DCLK1: variants seen among roughly 807,000 people sequenced by gnomAD.
DCLK1 encodes the protein serine/threonine-protein kinase DCLK1.
DCLK1 carries 16 observed loss-of-function variants against 86.2 expected under a neutral mutation model. That is an observed-to-expected ratio of 0.19 (90% CI 0.13 to 0.28). The LOEUF is 0.28. Ranked by LOEUF, DCLK1 falls within the 10% of genes least tolerant of loss-of-function variation. The probability of loss-of-function intolerance (pLI) is 1.00; values close to 1 mark genes in which losing one functional copy is unlikely to be tolerated. For missense variants in DCLK1, 590 were observed against 940.2 expected, an observed-to-expected ratio of 0.63 and a Z score of 4.87; for synonymous variants, 369 against 370.5, an observed-to-expected ratio of 1.00 and a Z score of 0.05.
intron 8 of DCLK1, among the ~76,000 whole-genome samples, chr13:35,835,309 G>T (rs1187175867): frequency 6.6e-6 from 1 of 152,128 alleles, no homozygotes; most frequent in Non-Finnish European, 1.5e-5. Context: ...CCCCAACTTT[G>T]CAGTATTCTG....
At chr13:35,809,408 A>G (rs2087096186) in intron 12 of DCLK1, among the ~76,000 whole-genome samples, 2 of 152,234 alleles carry the variant, frequency 1.3e-5, no homozygotes, top group African/African-American at 4.8e-5. Flanking sequence ...ATTCTGAGAT[A>G]AGGATGGACC....
intron 3 of DCLK1, among the ~76,000 whole-genome samples, chr13:35,974,946 T>A (rs972121964): frequency 1.3e-5 from 2 of 152,236 alleles, no homozygotes; most frequent in African/African-American, 4.8e-5. Context: ...ATACCAGGAA[T>A]GGTGCTAAGA....
intron 16 of DCLK1, among the ~76,000 whole-genome samples, chr13:35,781,122 GGAA>G: frequency 6.6e-6 from 1 of 152,268 alleles, no homozygotes; most frequent in Non-Finnish European, 1.5e-5. Context: ...GCATAGAGGA[GGAA>G]GGTCAGGAAT....
intron 5 of DCLK1, among the ~76,000 whole-genome samples, chr13:35,865,703 G>A (rs1871742677): frequency 6.6e-6 from 1 of 152,196 alleles, no homozygotes; most frequent in African/African-American, 2.4e-5. Flanking sequence ...TTCTGAAAGT[G>A]TAAATGAACA....
chr13:36,087,225 G>A (rs756291305), intron 3 of DCLK1, among the ~76,000 whole-genome samples: 24 of 152,176 alleles, frequency 1.6e-4, no homozygotes, highest in Non-Finnish European at 2.6e-4. Context: ...GACCAGTGAT[G>A]ATGAGCTTTT....
At chr13:36,087,950 A>C (rs1884670789) in intron 3 of DCLK1, among the ~76,000 whole-genome samples, 1 of 152,244 alleles carries the variant, frequency 6.6e-6, no homozygotes, top group South Asian at 2.1e-4. Context: ...GGGTAGCACT[A>C]GAGTGCCCAT....
chr13:36,127,828 T>C (rs958200120), intron 1 of DCLK1, among the ~76,000 whole-genome samples: 2 of 152,194 alleles, frequency 1.3e-5, no homozygotes, highest in African/African-American at 2.4e-5. Context: ...GGTTGGTTGA[T>C]AAAGGTTTGT....
chr13:35,831,154 G>C (rs1868928536), intron 8 of DCLK1, among the ~76,000 whole-genome samples: 1 of 152,116 alleles, frequency 6.6e-6, no homozygotes, highest in Non-Finnish European at 1.5e-5. Flanking sequence ...TTTCGTAATA[G>C]GATTAAACCT....
chr13:35,874,690 TAAC>T (rs541497736), intron 4 of DCLK1, among the ~76,000 whole-genome samples: 4 of 152,268 alleles, frequency 2.6e-5, no homozygotes, highest in South Asian at 4.1e-4. Context: ...GAAACAACAT[TAAC>T]AACGTCAGAA....
intron 3 of DCLK1, among the ~76,000 whole-genome samples, chr13:36,106,228 C>A (rs1204539322): frequency 6.6e-6 from 1 of 152,110 alleles, no homozygotes; most frequent in African/African-American, 2.4e-5. Flanking sequence ...CTTAAATCTT[C>A]CCAATTTGGA....
intron 4 of DCLK1, among the ~76,000 whole-genome samples, chr13:35,879,527 A>G (rs760725382): frequency 3.9e-5 from 6 of 152,146 alleles, no homozygotes; most frequent in Admixed American, 1.3e-4. Flanking sequence ...CTTTTCCTAC[A>G]TAACAGTGCA....
At chr13:35,799,257 T>G (rs12866899) in intron 15 of DCLK1, among the ~76,000 whole-genome samples, 1 of 151,844 alleles carries the variant, frequency 6.6e-6, no homozygotes, top group Non-Finnish European at 1.5e-5. Context: ...GTTGTTTTTT[T>G]TTTGTTTTCT....
intron 3 of DCLK1, among the ~76,000 whole-genome samples, chr13:36,059,357 G>A (rs772451944): frequency 7.2e-5 from 11 of 151,996 alleles, no homozygotes; most frequent in Non-Finnish European, 1.5e-4. Flanking sequence ...CTGCTGCATG[G>A]AGAAATATTA....
intron 3 of DCLK1, among the ~76,000 whole-genome samples, chr13:36,100,206 A>C (rs1885163200): frequency 4.2e-5 from 4 of 94,632 alleles, no homozygotes; most frequent in South Asian, 6.2e-4. Context: ...AAAAAAAAAA[A>C]AAAAAAACCA....
intron 4 of DCLK1, among the ~76,000 whole-genome samples, chr13:35,903,049 G>A (rs916205910): frequency 6.6e-6 from 1 of 151,998 alleles, no homozygotes; most frequent in African/African-American, 2.4e-5. Context: ...GAAAGAAAAT[G>A]GCTCTTCAGC....
chr13:35,978,592 TAA>T (rs1304549081), intron 3 of DCLK1, among the ~76,000 whole-genome samples: 1 of 152,116 alleles, frequency 6.6e-6, no homozygotes, highest in Non-Finnish European at 1.5e-5. Context: ...AGATTACAAT[TAA>T]GAGAGGAAAA....
intron 7 of DCLK1, among the ~76,000 whole-genome samples, chr13:35,837,073 T>G (rs1566559530): frequency 6.6e-6 from 1 of 152,232 alleles, no homozygotes; most frequent in African/African-American, 2.4e-5. Context: ...GCACTCCTCT[T>G]CCGACCTTTC....
intron 4 of DCLK1, among the ~76,000 whole-genome samples, chr13:35,894,811 T>A (rs1186852759): frequency 6.6e-6 from 1 of 152,222 alleles, no homozygotes; most frequent in African/African-American, 2.4e-5. Context: ...TCTGGCAGCA[T>A]TTCATCTCCA....
At chr13:35,793,879 T>A (rs2086754126) in intron 15 of DCLK1, among the ~76,000 whole-genome samples, 1 of 152,224 alleles carries the variant, frequency 6.6e-6, no homozygotes, top group African/African-American at 2.4e-5. Flanking sequence ...ACCCATCATT[T>A]AGACCCAAAG....
Sources: gnomAD v4.1 joint callset for allele counts (sites outside exome capture counted in the v4.1 genomes callset) on GRCh38, gnomAD v4.1.1 for gene constraint, MANE v1.5 for transcripts, NCBI Gene and HGNC (gene_info 2026-07-23, HGNC 2026-07-21) for gene names.